RARB: variants seen among roughly 807,000 people sequenced by gnomAD.
RARB encodes retinoic acid receptor beta, also known as HBV-activated protein.
RARB carries 17 observed loss-of-function variants against 51.9 expected under a neutral mutation model. The observed-to-expected ratio is 0.33, with a 90% CI of 0.22 to 0.49. The LOEUF (loss-of-function observed/expected upper bound fraction) is 0.49, where lower values mean the gene tolerates loss of function less well. RARB is among the 20% of genes least tolerant of loss of function. The pLI is 0.99. For missense variants in RARB, 369 were observed against 550.8 expected, an observed-to-expected ratio of 0.67 and a Z score of 3.30; for synonymous variants, 215 against 195.4, an observed-to-expected ratio of 1.10 and a Z score of -0.84.
chr3:25,068,176 A>T (rs1451573744), intron 3 of RARB, among the ~76,000 whole-genome samples: 3 of 122,152 alleles, frequency 2.5e-5, no homozygotes, highest in African/African-American at 9.0e-5. Context: ...AAAAAAAAAA[A>T]TCTTAAGGAT....
intron 2 of RARB, among the ~76,000 whole-genome samples, chr3:25,022,154 AG>A (rs1164308769): frequency 6.6e-6 from 1 of 152,206 alleles, no homozygotes; most frequent in Non-Finnish European, 1.5e-5. Flanking sequence ...GTGTACATGT[AG>A]AAAAGTAACG....
chr3:24,959,743 A>G (rs1696098672), intron 2 of RARB, among the ~76,000 whole-genome samples: 1 of 152,160 alleles, frequency 6.6e-6, no homozygotes, highest in Non-Finnish European at 1.5e-5. Flanking sequence ...TCTTTCCTTG[A>G]TGTTCCACAA....
At chr3:25,560,526 G>A (rs78488610) in intron 3 of RARB, among the ~76,000 whole-genome samples, 8,826 of 152,204 alleles carry the variant, frequency 0.058, 342 homozygotes, top group Middle Eastern at 0.13. Context: ...GGACATGAGC[G>A]TGGCCATAAA....
rs534663908 is a variant in RARB, at chr3:25,533,402, C to A, written c.448+32079C>A. 1.1e-4 allele frequency among the ~76,000 whole-genome samples: 17 copies of A among 152,294 alleles called. No individual in the cohort carries two copies. In the East Asian group the frequency reaches 2.9e-3, roughly 26 times the overall value. Reference sequence around the variant, plus strand: ...CAATCGAAAACACTAATGAGCCAAACTTAATGTGTCATTAGTTGCCTGGAT... The same window carrying A: ...CAATCGAAAACACTAATGAGCCAAAATTAATGTGTCATTAGTTGCCTGGAT... On this transcript the variant is annotated intron_variant, in intron 3 of 7. Transcript: ENST00000330688.
intron 1 of RARB, among the ~76,000 whole-genome samples, chr3:24,839,113 A>G (rs905081188): frequency 1.3e-5 from 2 of 152,148 alleles, no homozygotes; most frequent in African/African-American, 4.8e-5. Flanking sequence ...TCAATTTAGG[A>G]ACTGGCATTG....
intron 4 of RARB, among the ~76,000 whole-genome samples, chr3:25,144,630 C>T (rs879539255): frequency 6.6e-6 from 1 of 152,186 alleles, no homozygotes; most frequent in Non-Finnish European, 1.5e-5. Context: ...AGGTGCTTAA[C>T]AAGCTTATTT....
At chr3:24,877,253 A>G (rs1703063921) in intron 2 of RARB, among the ~76,000 whole-genome samples, 1 of 151,582 alleles carries the variant, frequency 6.6e-6, no homozygotes, top group East Asian at 1.9e-4. Flanking sequence ...TCTGAAAAAG[A>G]GGATAAATAC....
At chr3:25,185,327 T>C (rs1700951173) in intron 5 of RARB, among the ~76,000 whole-genome samples, 1 of 152,130 alleles carries the variant, frequency 6.6e-6, no homozygotes, top group African/African-American at 2.4e-5. Flanking sequence ...TCCTTTAGAG[T>C]TGGAGAACTA....
intron 5 of RARB, among the ~76,000 whole-genome samples, chr3:25,356,548 A>G (rs761326593): frequency 2.6e-5 from 4 of 151,782 alleles, no homozygotes; most frequent in Admixed American, 6.6e-5. Flanking sequence ...AAGTTCTGGG[A>G]TACACGTGCA....
chr3:25,471,565 G>C (rs1211559035), intron 2 of RARB, among the ~76,000 whole-genome samples: 1 of 149,074 alleles, frequency 6.7e-6, no homozygotes, highest in Non-Finnish European at 1.5e-5. Flanking sequence ...GGGGCGGGGG[G>C]AGTGAATTCT....
At chr3:25,152,551 AAT>A (rs1171299743) in intron 4 of RARB, among the ~76,000 whole-genome samples, 1 of 152,196 alleles carries the variant, frequency 6.6e-6, no homozygotes, top group African/African-American at 2.4e-5. Context: ...GAAGGAAAAA[AAT>A]ATGTTATTCC....
intron 4 of RARB, among the ~76,000 whole-genome samples, chr3:25,158,531 G>C (rs1020940584): frequency 6.6e-6 from 1 of 152,030 alleles, no homozygotes; most frequent in African/African-American, 2.4e-5. Context: ...GGTTTTAGGG[G>C]GGAGGTGGTA....
chr3:24,938,315 G>A (rs750744845), intron 2 of RARB, among the ~76,000 whole-genome samples: 3 of 151,996 alleles, frequency 2.0e-5, no homozygotes, highest in African/African-American at 7.3e-5. Flanking sequence ...AGAGTCTTTC[G>A]TTGTACTGTA....
intron 5 of RARB, chr3:25,258,952 C>T (rs904522236): frequency 2.4e-6 from 2 of 817,846 alleles, no homozygotes; most frequent in Non-Finnish European, 3.0e-6. Flanking sequence ...TTCAACACCA[C>T]CACACTGGGG....
intron 1 of RARB, among the ~76,000 whole-genome samples, chr3:24,840,736 T>A (rs1575031214): frequency 1.8e-4 from 18 of 99,370 alleles, no homozygotes; most frequent in Admixed American, 4.1e-4. Context: ...TAGGCATGAG[T>A]AAGAGTAAAA....
At chr3:25,457,283 G>A (rs1042699359) in intron 1 of RARB, among the ~76,000 whole-genome samples, 1 of 152,140 alleles carries the variant, frequency 6.6e-6, no homozygotes. Context: ...TCAAGGATAA[G>A]GGATTATGTA....
At chr3:24,959,894 T>C (rs1482578346) in intron 2 of RARB, among the ~76,000 whole-genome samples, 1 of 152,224 alleles carries the variant, frequency 6.6e-6, no homozygotes, top group African/African-American at 2.4e-5. Context: ...CATTATTATC[T>C]TTACATTTTA....
intron 5 of RARB, among the ~76,000 whole-genome samples, chr3:25,367,287 A>G (rs1176924492): frequency 6.6e-6 from 1 of 152,216 alleles, no homozygotes; most frequent in Non-Finnish European, 1.5e-5. Flanking sequence ...GGCACCCAGC[A>G]TAATGGCATC....
chr3:25,165,199 G>T (rs539599525), intron 4 of RARB, among the ~76,000 whole-genome samples: 1 of 152,208 alleles, frequency 6.6e-6, no homozygotes, highest in South Asian at 2.1e-4. Context: ...AAACTCAGAA[G>T]CACAGTTGTA....
Sources: allele counts gnomAD v4.1 joint callset (sites outside exome capture counted in the v4.1 genomes callset), GRCh38; gene constraint gnomAD v4.1.1; transcripts MANE v1.5; gene names NCBI Gene and HGNC (gene_info 2026-07-23, HGNC 2026-07-21).